TLL1: variants seen among roughly 807,000 people sequenced by gnomAD.
The protein encoded by TLL1 is tolloid like 1.
In TLL1, 49 loss-of-function variants were observed where a neutral mutation model predicts 128.2. That is an observed-to-expected ratio of 0.38 (90% CI 0.30 to 0.48). The LOEUF (loss-of-function observed/expected upper bound fraction) is 0.48, where lower values mean the gene tolerates loss of function less well. Ranked by LOEUF, TLL1 falls within the 20% of genes least tolerant of loss-of-function variation. TLL1 has a pLI of 0.96. For missense variants in TLL1, 1,123 were observed against 1,242.0 expected, an observed-to-expected ratio of 0.90 and a Z score of 1.44; for synonymous variants, 454 against 418.8, an observed-to-expected ratio of 1.08 and a Z score of -1.03.
chr4:166,083,719 T>A (rs7659851), intron 18 of TLL1, among the ~76,000 whole-genome samples: 4,434 of 66,568 alleles, frequency 0.067, 692 homozygotes, highest in East Asian at 0.22. Flanking sequence ...ATGACAAGAT[T>A]TCCTTCATTT....
chr4:166,076,985 A>C (rs1327978960), intron 17 of TLL1, among the ~76,000 whole-genome samples: 1 of 152,100 alleles, frequency 6.6e-6, no homozygotes, highest in East Asian at 1.9e-4. Flanking sequence ...AGGGTATAAC[A>C]AGTGTGTTGT....
At chr4:166,086,059 T>A (rs1741497484) in intron 18 of TLL1, among the ~76,000 whole-genome samples, 1 of 152,112 alleles carries the variant, frequency 6.6e-6, no homozygotes, top group Non-Finnish European at 1.5e-5. Context: ...CTCAAAAAGA[T>A]ATTTAGATGA....
chr4:166,058,014 C>T lies in TLL1; in HGVS notation c.1846+705C>T, dbSNP rs571015023. On this transcript the variant is annotated intron_variant, in intron 14 of 20. Coordinates refer to ENST00000061240, the MANE Select transcript of TLL1 (RefSeq NM_012464.5). ...ATCTATATATAAATCTACATCTAGA[C>T]CTAGATTTATATCCATCCCTCCTTT... Among the ~76,000 whole-genome samples, 519 of 152,228 alleles carry T rather than the reference C, an allele frequency of 3.4e-3. 3 individuals are homozygous for T. Among genetic ancestry groups the T allele is most frequent in the Middle Eastern group, 0.02 (6 of 294 alleles).
Position 166,065,694 on chromosome 4 carries a change from T to C in TLL1, c.2019T>C (p.Tyr673=), listed in dbSNP as rs995570201. The change falls in exon 16 of 21, where the codon TAT becomes TAC. Residue 673 remains tyrosine, a synonymous_variant. Coordinates refer to ENST00000061240, the MANE Select transcript of TLL1 (RefSeq NM_012464.5). The part of the protein sequence containing the change: ...FELEGNEVCK[Y]DYVEIWSGLS... ...ACATTTTTTTCTAGGTTTGCAAATATGATTATGTGGAGATCTGGAGTGGTC... is the reference window on the plus strand; with the variant it reads ...ACATTTTTTTCTAGGTTTGCAAATACGATTATGTGGAGATCTGGAGTGGTC... The C allele has an allele frequency of 1.9e-6, 3 of 1,612,868 alleles. No homozygotes were observed. In the Admixed American group the frequency reaches 5.0e-5, roughly 27 times the overall value.
chr4:165,958,217 T>A (rs1734906203), intron 1 of TLL1, among the ~76,000 whole-genome samples: 1 of 143,156 alleles, frequency 7.0e-6, no homozygotes, highest in Non-Finnish European at 1.5e-5. Flanking sequence ...GTCCTTTGGG[T>A]ATATACCCAG....
At chr4:166,087,200 A>C (rs141195285) in intron 18 of TLL1, among the ~76,000 whole-genome samples, 2,093 of 152,270 alleles carry the variant, frequency 0.014, 86 homozygotes, top group Non-Finnish European at 8.7e-3. Flanking sequence ...ATGTGCTTCT[A>C]TCATTTTTAG....
intron 9 of TLL1, among the ~76,000 whole-genome samples, chr4:166,028,821 A>G (rs1579644921): frequency 1.3e-5 from 2 of 152,114 alleles, no homozygotes; most frequent in East Asian, 3.9e-4. Context: ...TGCCAGGTAT[A>G]TCTTTGTCCT....
chr4:165,953,445 A>G (rs549051293), intron 1 of TLL1, among the ~76,000 whole-genome samples: 12 of 151,672 alleles, frequency 7.9e-5, no homozygotes, highest in South Asian at 4.2e-4. Context: ...CTCCTCAGCT[A>G]TGTTCTCTTG....
At chr4:165,985,396 T>C (rs534805640) in intron 1 of TLL1, among the ~76,000 whole-genome samples, 21 of 152,176 alleles carry the variant, frequency 1.4e-4, no homozygotes, top group Admixed American at 1.2e-3. Flanking sequence ...GGATATTTGG[T>C]TTCCAAGTAT....
At chr4:165,998,415 A>G (rs4691230) in intron 5 of TLL1, among the ~76,000 whole-genome samples, 84,088 of 151,942 alleles carry the variant, frequency 0.55, 24,719 homozygotes, top group Admixed American at 0.67. Flanking sequence ...CAAAAAAATT[A>G]CAGTTAACCT....
intron 1 of TLL1, among the ~76,000 whole-genome samples, chr4:165,879,172 C>A (rs1339837185): frequency 1.3e-5 from 2 of 151,948 alleles, no homozygotes; most frequent in Non-Finnish European, 2.9e-5. Context: ...GTCTTGAACT[C>A]CTGAACCAAG....
At chr4:166,055,821 G>A (rs1182316569) in intron 13 of TLL1, among the ~76,000 whole-genome samples, 2 of 152,056 alleles carry the variant, frequency 1.3e-5, no homozygotes, top group Non-Finnish European at 2.9e-5. Context: ...ATTGTGAGGT[G>A]AAAGGAAAGC....
At chr4:166,050,447 G>A (rs1041261826) in intron 12 of TLL1, among the ~76,000 whole-genome samples, 3 of 152,014 alleles carry the variant, frequency 2.0e-5, no homozygotes, top group African/African-American at 4.8e-5. Flanking sequence ...CAATTCTTTG[G>A]GGTATTTACC....
At chr4:165,978,350 T>C (rs1432808443) in intron 1 of TLL1, among the ~76,000 whole-genome samples, 1 of 151,936 alleles carries the variant, frequency 6.6e-6, no homozygotes, top group Non-Finnish European at 1.5e-5. Flanking sequence ...TAATTTTATA[T>C]AGATAATTCC....
At position 166,025,426 on chromosome 4, in the gene TLL1, G is replaced by C. The variant is rs1035977085; in HGVS notation, c.1153G>C (p.Glu385Gln). 9 of 1,605,748 alleles carry C rather than the reference G, an allele frequency of 5.6e-6. No homozygotes were observed. The highest frequency in any genetic ancestry group is 7.7e-6 in the Non-Finnish European group (9 of 1,172,514). Reference protein sequence around the residue: ...CIWRVSVTPGEKIVLNFTTMD... With the variant: ...CIWRVSVTPGQKIVLNFTTMD... ...CTGGAGAGTTTCTGTGACCCCAGGG[G>C]AGAAGGTAGTTTATACCGTCAAGCC... Residue 385 changes from glutamate to glutamine, a missense_variant, in exon 9 of 21, where the codon GAG becomes CAG. Around this residue, in one of 3 missense-constraint regions of TLL1, gnomAD observed 480 missense variants for 542.4 expected, o/e 0.89. Coordinates refer to ENST00000061240, the MANE Select transcript of TLL1 (RefSeq NM_012464.5).
In TLL1 at chr4:165,994,471, C is replaced by T. The variant is rs769504335; in HGVS notation, c.452C>T (p.Ser151Leu). ...EKNRVPRAAT[S>L]RTERIWPGGV... ...AATCGAGTTCCCAGAGCCGCTACAT[C>T]AAGAACGGAAAGAATATGGCCTGGA... Residue 151 changes from serine (S) to leucine (L), a missense_variant, in exon 4 of 21, where the codon TCA becomes TTA. By Grantham distance (145) the Ser-to-Leu change is moderately radical. Coordinates refer to ENST00000061240, the MANE Select transcript of TLL1 (RefSeq NM_012464.5). 6 of 1,614,042 alleles carry T rather than the reference C, an allele frequency of 3.7e-6. No individual in the cohort carries two copies. The highest frequency in any genetic ancestry group is 2.5e-6 in the Non-Finnish European group (3 of 1,179,974).
At chr4:165,882,784 A>G (rs1377507418) in intron 1 of TLL1, among the ~76,000 whole-genome samples, 2 of 151,944 alleles carry the variant, frequency 1.3e-5, no homozygotes, top group Admixed American at 1.3e-4. Context: ...ACGCCCGGCT[A>G]GTTTTATATT....
intron 8 of TLL1, among the ~76,000 whole-genome samples, chr4:166,017,958 G>A (rs1738029302): frequency 6.6e-6 from 1 of 152,146 alleles, no homozygotes; most frequent in Admixed American, 6.6e-5. Flanking sequence ...ATAACTGCAA[G>A]TATATAAATG....
intron 18 of TLL1, among the ~76,000 whole-genome samples, chr4:166,078,478 T>C (rs1741139222): frequency 6.6e-6 from 1 of 152,200 alleles, no homozygotes; most frequent in South Asian, 2.1e-4. Flanking sequence ...TTTTGTCTTG[T>C]GGTTTACAGA....
Sources: allele counts gnomAD v4.1 joint callset (sites outside exome capture counted in the v4.1 genomes callset), GRCh38; gene constraint gnomAD v4.1.1; regional missense constraint gnomAD v4.1.1; transcripts MANE v1.5; gene names NCBI Gene and HGNC (gene_info 2026-07-23, HGNC 2026-07-21).